The following DPP10 variants were observed in gnomAD, a reference collection of about 807,000 sequenced individuals.
The protein encoded by DPP10 is inactive dipeptidyl peptidase 10.
In DPP10, 33 loss-of-function variants were observed where a neutral mutation model predicts 120.9. The ratio of observed to expected loss-of-function variants is 0.27; its 90% CI spans 0.21 to 0.37. The LOEUF is 0.37. DPP10 is among the 10% of genes least tolerant of loss of function. The pLI is 1.00. For synonymous variants in DPP10, 337 were observed against 326.1 expected (o/e 1.03, Z -0.36); for missense variants, 816 against 942.8 (o/e 0.87, Z 1.76).
chr2:115,162,121 G>A lies in DPP10; in HGVS notation c.61-147118G>A. ...CCCGCTTCCCAGGCTGGGCTCCCGC[G>A]CCTCCCTCTTCTCACCCTCCCCCGC... On this transcript the variant is annotated intron_variant, in intron 1 of 25. Coordinates refer to ENST00000410059, the MANE Select transcript of DPP10 (RefSeq NM_020868.6). 4 of 1,516,650 alleles carry A rather than the reference G, an allele frequency of 2.6e-6. No individual in the cohort carries two copies. In the South Asian group the frequency reaches 3.7e-5, roughly 14 times the overall value. The allele number at this position is 1,516,650 out of a possible 1,614,324, so 93.9% of individuals were successfully genotyped here. A position where few individuals can be genotyped will look rare whatever the true frequency, so the allele number is the denominator to read the frequency against.
chr2:115,194,554 G>C (rs1443627192), intron 1 of DPP10, among the ~76,000 whole-genome samples: 3 of 152,138 alleles, frequency 2.0e-5, no homozygotes, highest in Non-Finnish European at 4.4e-5. Context: ...GGAAAGCTAG[G>C]ACAGGGGCAG....
At chr2:114,882,733 G>A (rs1354735137) in intron 1 of DPP10, among the ~76,000 whole-genome samples, 1 of 151,914 alleles carries the variant, frequency 6.6e-6, no homozygotes, top group Non-Finnish European at 1.5e-5. Context: ...CTAATGCCAA[G>A]ACTACTGGCT....
intron 1 of DPP10, among the ~76,000 whole-genome samples, chr2:115,044,318 G>C (rs1053284087): frequency 6.6e-6 from 1 of 152,088 alleles, no homozygotes; most frequent in Admixed American, 6.6e-5. Flanking sequence ...AACAGAGAGA[G>C]AAGGGAGAGG....
intron 1 of DPP10, among the ~76,000 whole-genome samples, chr2:115,274,228 G>A (rs1470341807): frequency 1.3e-5 from 2 of 152,068 alleles, no homozygotes; most frequent in African/African-American, 2.4e-5. Context: ...TGAGAATACA[G>A]CCTGATTGTT....
rs1457840450 is a variant in DPP10 at position 115,228,107 on chromosome 2, A to G, written c.61-81132A>G. Among the ~76,000 whole-genome samples the G allele has an allele frequency of 2.0e-5, 3 of 151,656 alleles. No individual in the cohort carries two copies. In the East Asian group the frequency reaches 5.8e-4, roughly 29 times the overall value. The stretch of plus-strand genomic sequence containing the variant: ...CTTGCTGATTTTTTTGTGTATTTAT[A>G]CATATATTTTTTGTTGTTGTTGTTG... On this transcript the variant is annotated intron_variant, in intron 1 of 25. Coordinates refer to ENST00000410059, the MANE Select transcript of DPP10 (RefSeq NM_020868.6).
At chr2:114,824,047 G>A (rs556846615) in intron 1 of DPP10, among the ~76,000 whole-genome samples, 2 of 152,250 alleles carry the variant, frequency 1.3e-5, no homozygotes, top group South Asian at 2.1e-4. Flanking sequence ...TTTCAAAACA[G>A]AGTACCAGCA....
intron 17 of DPP10, among the ~76,000 whole-genome samples, chr2:115,786,065 A>G (rs751337701): frequency 6.6e-6 from 1 of 152,158 alleles, no homozygotes; most frequent in Non-Finnish European, 1.5e-5. Flanking sequence ...AGGGGAAGAT[A>G]TTTACTTACA....
At chr2:115,094,878 ATAACAATTTAAAATG>A (rs1709584682) in intron 1 of DPP10, among the ~76,000 whole-genome samples, 1 of 152,222 alleles carries the variant, frequency 6.6e-6, no homozygotes, top group Non-Finnish European at 1.5e-5. Flanking sequence ...AGGTGCATAC[ATAACAATTTAAAATG>A]TAACAATTTA....
intron 1 of DPP10, among the ~76,000 whole-genome samples, chr2:114,704,401 C>A (rs1161972156): frequency 6.6e-6 from 1 of 152,082 alleles, no homozygotes; most frequent in South Asian, 2.1e-4. Context: ...GAGATAGGGA[C>A]GCTATGTGAT....
chr2:115,461,837 G>A (rs948587035), intron 3 of DPP10, among the ~76,000 whole-genome samples: 2 of 152,000 alleles, frequency 1.3e-5, no homozygotes, highest in African/African-American at 4.8e-5. Flanking sequence ...TGTTCTGATT[G>A]TGGAATAATT....
intron 3 of DPP10, among the ~76,000 whole-genome samples, chr2:115,404,629 T>TA (rs1284887347): frequency 8.6e-4 from 131 of 151,730 alleles, no homozygotes; most frequent in East Asian, 2.9e-3. Context: ...GTAATCTATT[T>TA]TAAAAAAAAA....
chr2:115,483,958 G>T (rs1252326097), intron 3 of DPP10, among the ~76,000 whole-genome samples: 1 of 151,966 alleles, frequency 6.6e-6, no homozygotes, highest in Non-Finnish European at 1.5e-5. Flanking sequence ...ATTTCTCCTG[G>T]CAAGCTTCCT....
At chr2:115,623,028 G>A (rs947078755) in intron 5 of DPP10, among the ~76,000 whole-genome samples, 1 of 151,792 alleles carries the variant, frequency 6.6e-6, no homozygotes, top group Middle Eastern at 3.2e-3. Flanking sequence ...TGTATTTTTA[G>A]TAGAGACGGG....
intron 3 of DPP10, among the ~76,000 whole-genome samples, chr2:115,433,293 G>T (rs2071177347): frequency 6.6e-6 from 1 of 152,002 alleles, no homozygotes; most frequent in South Asian, 2.1e-4. Flanking sequence ...TGTGATTTAG[G>T]TGGGTGTTCT....
intron 8 of DPP10, among the ~76,000 whole-genome samples, chr2:115,730,549 C>T (rs2092880933): frequency 1.3e-5 from 2 of 152,164 alleles, no homozygotes. Flanking sequence ...TCAATGTAGA[C>T]CATGCTTATT....
chr2:115,093,045 A>G, intron 1 of DPP10, among the ~76,000 whole-genome samples: 1 of 152,156 alleles, frequency 6.6e-6, no homozygotes, highest in East Asian at 1.9e-4. Flanking sequence ...CCATTAAGAT[A>G]AAAAGCTAGA....
At chr2:114,863,110 C>T (rs1256258926) in intron 1 of DPP10, among the ~76,000 whole-genome samples, 1 of 152,046 alleles carries the variant, frequency 6.6e-6, no homozygotes, top group Non-Finnish European at 1.5e-5. Flanking sequence ...TTAAAATCAA[C>T]ATATTTTTCT....
intron 1 of DPP10, among the ~76,000 whole-genome samples, chr2:114,892,057 A>G (rs1692586833): frequency 6.6e-6 from 1 of 152,038 alleles, no homozygotes; most frequent in African/African-American, 2.4e-5. Flanking sequence ...TACCCCCACC[A>G]TGTCTCTGGG....
chr2:115,536,792 C>T (rs559925040), intron 5 of DPP10, among the ~76,000 whole-genome samples: 2 of 152,078 alleles, frequency 1.3e-5, no homozygotes, highest in African/African-American at 4.8e-5. Flanking sequence ...GATTCATATT[C>T]ACTCTCTAAG....
Sources: allele counts gnomAD v4.1 joint callset (sites outside exome capture counted in the v4.1 genomes callset), GRCh38; gene constraint gnomAD v4.1.1; transcripts MANE v1.5; gene names NCBI Gene and HGNC (gene_info 2026-07-23, HGNC 2026-07-21).